Variants in DLGAP2 observed in about 807,000 individuals in gnomAD.
DLGAP2 encodes the protein DLG associated protein 2.
DLGAP2 carries 26 observed loss-of-function variants against 100.3 expected under a neutral mutation model. That is an observed-to-expected ratio of 0.26 (90% confidence interval 0.19 to 0.36). The LOEUF is 0.36. Among genes scored for constraint, DLGAP2 ranks in the 10% least tolerant of loss-of-function variants. The pLI, the probability that DLGAP2 is intolerant of heterozygous loss-of-function variation, is 1.00. For missense variants in DLGAP2, 1,858 were observed against 1,453.2 expected (o/e 1.28, Z -4.53); for synonymous variants, 886 against 630.1 (o/e 1.41, Z -6.08).
At chr8:796,007 C>T (rs71516104) in intron 1 of DLGAP2, among the ~76,000 whole-genome samples, 3,468 of 51,856 alleles carry the variant, frequency 0.067, no homozygotes, top group Middle Eastern at 0.11. Flanking sequence ...TGAGAGCAGG[C>T]GTCCAGTGAG....
intron 10 of DLGAP2, among the ~76,000 whole-genome samples, chr8:1,673,590 T>C (rs534919193): frequency 6.6e-6 from 1 of 152,346 alleles, no homozygotes; most frequent in South Asian, 2.1e-4. Flanking sequence ...ACTATTCACG[T>C]GACCGTCCTT....
intron 3 of DLGAP2, among the ~76,000 whole-genome samples, chr8:1,279,366 T>A (rs994424144): frequency 4.6e-5 from 7 of 152,332 alleles, no homozygotes; most frequent in Admixed American, 4.6e-4. Context: ...TTTATGTAAA[T>A]ATGTGGGCAT....
At chr8:1,591,961 C>A (rs1268104384) in intron 6 of DLGAP2, among the ~76,000 whole-genome samples, 1 of 152,230 alleles carries the variant, frequency 6.6e-6, no homozygotes, top group African/African-American at 2.4e-5. Context: ...GGCATGCAGA[C>A]AGGCCTTGGA....
At chr8:1,010,184 C>T (rs1324118383) in intron 2 of DLGAP2, among the ~76,000 whole-genome samples, 1 of 150,428 alleles carries the variant, frequency 6.6e-6, no homozygotes, top group Non-Finnish European at 1.5e-5. Context: ...GACACATGCA[C>T]ACACATGCAT....
chr8:1,129,330 G>T (rs576290992), intron 2 of DLGAP2, among the ~76,000 whole-genome samples: 1 of 151,638 alleles, frequency 6.6e-6, no homozygotes, highest in African/African-American at 2.4e-5. Flanking sequence ...TTGGACCCGG[G>T]AGGCAGAGGT....
rs148549077 is a variant in DLGAP2, at chr8:1,210,301, G to A, written c.74-48550G>A. Among the ~76,000 whole-genome samples, 1,138 of 152,304 alleles carry A rather than the reference G, an allele frequency of 7.5e-3. 4 individuals are homozygous for A. The highest frequency in any genetic ancestry group is 0.012 in the Non-Finnish European group (821 of 68,030). On this transcript the variant is annotated intron_variant, in intron 2 of 14. Coordinates refer to ENST00000637795, the MANE Select transcript of DLGAP2 (RefSeq NM_001346810.2). The stretch of plus-strand genomic sequence containing the variant: ...ATGGCAGGGATTCAGCTGATGACAG[G>A]GAGGTTTGGTTGTCTGGAAGGGCAT...
At chr8:1,184,346 C>A (rs1797454382) in intron 2 of DLGAP2, among the ~76,000 whole-genome samples, 2 of 152,256 alleles carry the variant, frequency 1.3e-5, no homozygotes, top group Non-Finnish European at 2.9e-5. Context: ...GAAACGCAGA[C>A]TGGAGTGTGG....
chr8:1,433,111 G>GT (rs1797504323), intron 3 of DLGAP2, among the ~76,000 whole-genome samples: 1 of 152,210 alleles, frequency 6.6e-6, no homozygotes, highest in African/African-American at 2.4e-5. Flanking sequence ...CGTCCCCAGT[G>GT]TGTGGGTGGG....
At chr8:1,174,477 C>CCATCAT (rs1024044070) in intron 2 of DLGAP2, among the ~76,000 whole-genome samples, 1 of 151,336 alleles carries the variant, frequency 6.6e-6, no homozygotes, top group South Asian at 2.1e-4. Flanking sequence ...ATTACCATTA[C>CCATCAT]CATCATCATC....
intron 3 of DLGAP2, among the ~76,000 whole-genome samples, chr8:1,312,936 C>T (rs1450145374): frequency 2.6e-5 from 4 of 152,186 alleles, no homozygotes; most frequent in African/African-American, 4.8e-5. Flanking sequence ...CCAAGCCCTA[C>T]GTGCGGTATG....
chr8:963,258 T>C (rs1419245509), intron 2 of DLGAP2, among the ~76,000 whole-genome samples: 1 of 148,022 alleles, frequency 6.8e-6, no homozygotes, highest in East Asian at 1.9e-4. Context: ...TTGGAAACAG[T>C]GTTTGAAAAT....
chr8:929,894 T>C (rs1156241946), intron 2 of DLGAP2, among the ~76,000 whole-genome samples: 2 of 151,832 alleles, frequency 1.3e-5, no homozygotes, highest in Non-Finnish European at 2.9e-5. Flanking sequence ...TGAAATGTAT[T>C]GGGCACTATA....
At chr8:1,424,160 G>A (rs1797176716) in intron 3 of DLGAP2, among the ~76,000 whole-genome samples, 1 of 152,252 alleles carries the variant, frequency 6.6e-6, no homozygotes. Flanking sequence ...TGAGCCTGCA[G>A]CTATTTCTCT....
chr8:847,107 C>T (rs1469623331), intron 1 of DLGAP2, among the ~76,000 whole-genome samples: 1 of 152,136 alleles, frequency 6.6e-6, no homozygotes, highest in Non-Finnish European at 1.5e-5. Flanking sequence ...ACACATGGGC[C>T]TGGGTGTTTT....
chr8:1,590,500 G>A (rs1429110284), intron 6 of DLGAP2, among the ~76,000 whole-genome samples: 2 of 152,112 alleles, frequency 1.3e-5, no homozygotes, highest in Non-Finnish European at 2.9e-5. Context: ...CTACTGGAAG[G>A]GAAGCACGGA....
intron 3 of DLGAP2, among the ~76,000 whole-genome samples, chr8:1,436,018 A>C (rs1797612077): frequency 6.6e-6 from 1 of 152,224 alleles, no homozygotes; most frequent in South Asian, 2.1e-4. Flanking sequence ...TTAAAAATAA[A>C]ATAAAGTACA....
intron 11 of DLGAP2, among the ~76,000 whole-genome samples, 192 bp from the exon 12 acceptor site, chr8:1,678,022 T>C (rs1798849319): frequency 6.6e-6 from 1 of 152,234 alleles, no homozygotes; most frequent in African/African-American, 2.4e-5. Context: ...GATGTTAAAG[T>C]ATAATGATTT....
At chr8:790,547 A>G (rs1044554104) in intron 1 of DLGAP2, among the ~76,000 whole-genome samples, 6 of 152,180 alleles carry the variant, frequency 3.9e-5, no homozygotes, top group Non-Finnish European at 8.8e-5. Flanking sequence ...AGGTGTGAGT[A>G]GTTGGCTTAG....
intron 8 of DLGAP2, among the ~76,000 whole-genome samples, chr8:1,655,045 A>T (rs988429718): frequency 6.6e-6 from 1 of 152,234 alleles, no homozygotes; most frequent in Admixed American, 6.5e-5. Flanking sequence ...TACTGTCTAC[A>T]TGTTAAATGC....
Sources: allele counts gnomAD v4.1 joint callset (sites outside exome capture counted in the v4.1 genomes callset), GRCh38; gene constraint gnomAD v4.1.1; transcripts MANE v1.5; gene names NCBI Gene and HGNC (gene_info 2026-07-23, HGNC 2026-07-21).